CELF2: variants seen among roughly 807,000 people sequenced by gnomAD.
CELF2 encodes the protein CUG triplet repeat RNA-binding protein 2.
A neutral mutation model predicts 62.6 loss-of-function variants in CELF2; 8 were observed. The observed-to-expected ratio is 0.13, with a 90% CI of 0.07 to 0.23. The LOEUF (loss-of-function observed/expected upper bound fraction) is 0.23. Among genes scored for constraint, CELF2 ranks in the 10% least tolerant of loss-of-function variants. The pLI, the probability that CELF2 is intolerant of heterozygous loss-of-function variation, is 1.00. For synonymous variants in CELF2, 258 were observed against 250.0 expected, an observed-to-expected ratio of 1.03 and a Z score of -0.30; for missense variants, 333 against 671.0, an observed-to-expected ratio of 0.50 and a Z score of 5.56.
chr10:10,917,343 T>G (rs984213277), intron 1 of CELF2, among the ~76,000 whole-genome samples: 1 of 152,208 alleles, frequency 6.6e-6, no homozygotes, highest in Non-Finnish European at 1.5e-5. Flanking sequence ...TTGTTTTGTT[T>G]TGTTTTTAAG....
chr10:11,317,703 G>T (rs563721382), intron 10 of CELF2: 1 of 152,358 alleles, frequency 6.6e-6, no homozygotes, highest in African/African-American at 2.4e-5. Flanking sequence ...ATGTTTATGG[G>T]TTAGTCCTTC....
At chr10:10,541,242 C>CA in the CELF2 span, among the ~76,000 whole-genome samples, 33,717 of 112,800 alleles carry the variant, frequency 0.3, 6,667 homozygotes, top group East Asian at 0.79. Context: ...GACCCCATCT[C>CA]AAAAAAAAAA....
At chr10:10,701,841 C>A in the CELF2 span, among the ~76,000 whole-genome samples, 1 of 152,186 alleles carries the variant, frequency 6.6e-6, no homozygotes, top group African/African-American at 2.4e-5. Context: ...TTTTCCTCTA[C>A]CCCGTAGTTA....
chr10:10,708,135 G>T, the CELF2 span, among the ~76,000 whole-genome samples: 1 of 152,080 alleles, frequency 6.6e-6, no homozygotes, highest in African/African-American at 2.4e-5. Context: ...AAATTCAAAG[G>T]GCGTAAAAGA....
rs117547679 is a variant in CELF2 at position 10,847,621 on chromosome 10, A to G, written c.53+48804A>G. The stretch of plus-strand genomic sequence containing the variant: ...AAGCGTCATTGCAGAATGACTTTCA[A>G]TAGCAAGTTCTAGTGTATTTTAAAA... On this transcript the variant is annotated intron_variant, in intron 1 of 13. Coordinates refer to the CELF2 transcript ENST00000636488. Among the ~76,000 whole-genome samples, 1,350 of 152,332 alleles carry G rather than the reference A, an allele frequency of 8.9e-3. 11 individuals are homozygous for G. Among genetic ancestry groups the G allele is most frequent in the Non-Finnish European group, 0.014 (964 of 68,022 alleles).
Position 11,018,084 on chromosome 10 carries a change from G to C in CELF2, c.-6G>C. On this transcript the variant is annotated 5_prime_UTR_variant, in exon 1 of 13. Transcript: ENST00000633077. ...CCCGCCGCTGCCGCCGCGTGCGCCC[G>C]CGAACATGACTTCTGCCTTCAAGCT... 1 of 1,461,360 alleles carries C rather than the reference G, an allele frequency of 6.8e-7. No homozygotes were observed. Among genetic ancestry groups the C allele is most frequent in the Non-Finnish European group, 9.1e-7 (1 of 1,094,044 alleles). The allele number at this position is 1,461,360 out of a possible 1,614,324, so 90.5% of individuals were successfully genotyped here. A position where few individuals can be genotyped will look rare whatever the true frequency, so the allele number is the denominator to read the frequency against.
chr10:10,562,369 G>A, the CELF2 span, among the ~76,000 whole-genome samples: 3 of 152,146 alleles, frequency 2.0e-5, no homozygotes, highest in Admixed American at 6.5e-5. Flanking sequence ...AATCCTAATC[G>A]CTTACATATA....
the CELF2 span, among the ~76,000 whole-genome samples, chr10:10,767,731 T>C: frequency 2.6e-5 from 4 of 152,288 alleles, no homozygotes; most frequent in African/African-American, 9.6e-5. Flanking sequence ...GCACAGTGGC[T>C]CACGCCTGTA....
At chr10:10,853,479 G>A (rs555369175) in intron 1 of CELF2, among the ~76,000 whole-genome samples, 4 of 152,128 alleles carry the variant, frequency 2.6e-5, no homozygotes, top group African/African-American at 9.6e-5. Context: ...TTGGAAATGA[G>A]CATAAAGAAG....
intron 1 of CELF2, among the ~76,000 whole-genome samples, chr10:10,919,610 C>T (rs936532864): frequency 6.6e-6 from 1 of 152,186 alleles, no homozygotes; most frequent in Non-Finnish European, 1.5e-5. Flanking sequence ...ATTGGTGCTT[C>T]GTTTAACATG....
chr10:10,823,967 A>T (rs2057177755), intron 1 of CELF2, among the ~76,000 whole-genome samples: 1 of 151,974 alleles, frequency 6.6e-6, no homozygotes, highest in Non-Finnish European at 1.5e-5. Flanking sequence ...GATCTAGCAG[A>T]TGATAGATAG....
intron 2 of CELF2, among the ~76,000 whole-genome samples, chr10:10,980,190 G>A (rs985205318): frequency 9.2e-5 from 14 of 152,312 alleles, no homozygotes; most frequent in South Asian, 2.1e-4. Flanking sequence ...AGATCATTCC[G>A]GCAGCCAGCC....
rs1412231786 is a variant in CELF2 at position 10,932,842 on chromosome 10, A to G, written c.89+12843A>G. On this transcript the variant is annotated intron_variant, in intron 2 of 13. Coordinates refer to the CELF2 transcript ENST00000636488. ...TCTGCAACCAGAAAGGGCAAAAATA[A>G]AGCAAAGTGCAAGGAATGTAGAGTG... is the stretch of plus-strand genomic sequence containing the variant. 2.6e-5 allele frequency among the ~76,000 whole-genome samples: 4 copies of G among 152,182 alleles called. No homozygotes were observed. The East Asian group carries it at 7.7e-4, about 29-fold the overall frequency.
At chr10:11,047,392 G>GT (rs1025691732) in intron 1 of CELF2, among the ~76,000 whole-genome samples, 6 of 152,292 alleles carry the variant, frequency 3.9e-5, no homozygotes, top group Admixed American at 2.0e-4. Flanking sequence ...GTGAACTCGG[G>GT]TTTAAGCAAA....
chr10:10,523,561 C>T, the CELF2 span, among the ~76,000 whole-genome samples: 3 of 152,172 alleles, frequency 2.0e-5, no homozygotes, highest in Non-Finnish European at 4.4e-5. Context: ...ACCCCTTAGA[C>T]TCTCACTGAG....
the CELF2 span, among the ~76,000 whole-genome samples, chr10:10,716,778 A>G: frequency 6.6e-6 from 1 of 152,228 alleles, no homozygotes; most frequent in African/African-American, 2.4e-5. Context: ...ACCAAAGCAA[A>G]GATAACCTGC....
At chr10:10,896,644 C>T (rs1013831667) in intron 1 of CELF2, among the ~76,000 whole-genome samples, 25 of 152,020 alleles carry the variant, frequency 1.6e-4, no homozygotes, top group African/African-American at 5.6e-4. Flanking sequence ...ATGCAGCTGC[C>T]GTCCAAGGAA....
intron 1 of CELF2, among the ~76,000 whole-genome samples, chr10:11,054,969 C>T (rs1206988807): frequency 6.6e-6 from 1 of 152,216 alleles, no homozygotes; most frequent in Non-Finnish European, 1.5e-5. Flanking sequence ...CCTGCCTCGG[C>T]CCCCTGGAGT....
At chr10:10,708,054 T>C in the CELF2 span, among the ~76,000 whole-genome samples, 20 of 152,210 alleles carry the variant, frequency 1.3e-4, no homozygotes, top group Admixed American at 8.5e-4. Flanking sequence ...TATCTTCATA[T>C]AAACAAAGGC....
Sources: allele counts gnomAD v4.1 joint callset (sites outside exome capture counted in the v4.1 genomes callset), GRCh38; gene constraint gnomAD v4.1.1; transcripts MANE v1.5; gene names NCBI Gene and HGNC (gene_info 2026-07-23, HGNC 2026-07-21).